The following STARD13 variants were observed in gnomAD, a reference collection of about 807,000 sequenced individuals.
STARD13 encodes stAR-related lipid transfer protein 13.
In STARD13, 62 loss-of-function variants were observed where a neutral mutation model predicts 106.4. That is an observed-to-expected ratio of 0.58 (90% CI 0.48 to 0.72). The LOEUF (loss-of-function observed/expected upper bound fraction) is 0.72, where lower values mean the gene tolerates loss of function less well. Among genes scored for constraint, STARD13 ranks in the 30% least tolerant of loss-of-function variants. The pLI, the probability that STARD13 is intolerant of heterozygous loss-of-function variation, is 0.00. For synonymous variants in STARD13, 565 were observed against 553.0 expected (o/e 1.02, Z -0.31); for missense variants, 1,387 against 1,424.0 (o/e 0.97, Z 0.42).
At chr13:33,318,022 A>G (rs991534746) in intron 1 of STARD13, among the ~76,000 whole-genome samples, 25 of 152,216 alleles carry the variant, frequency 1.6e-4, no homozygotes, top group Non-Finnish European at 7.3e-5. Flanking sequence ...GTCAGACTCA[A>G]AAGTCTTTCA....
intron 1 of STARD13, among the ~76,000 whole-genome samples, chr13:33,225,771 T>C (rs1301076393): frequency 2.6e-5 from 4 of 152,068 alleles, no homozygotes; most frequent in African/African-American, 9.7e-5. Flanking sequence ...AAACAACTCT[T>C]CGTATTAATA....
Position 33,130,240 on chromosome 13 carries a change from A to G in STARD13, c.437T>C (p.Phe146Ser), listed in dbSNP as rs1878086491. Residue 146 changes from phenylalanine (F) to serine (S), a missense_variant, in exon 5 of 14, where the codon TTC becomes TCC. Phe to Ser is a radical substitution (Grantham distance 155). Coordinates refer to ENST00000336934, the MANE Select transcript of STARD13 (RefSeq NM_178006.4). The surrounding 1 kb of genome is among the most constrained non-coding windows in gnomAD (Gnocchi z 4.1). ...AGACCACCTGCGACTGGTTCTTTGGAAAGTCCATTTGTTGCTGATACAAAG... is the reference window on the plus strand; with the variant it reads ...AGACCACCTGCGACTGGTTCTTTGGGAAGTCCATTTGTTGCTGATACAAAG... ...EDLCISNKWT[F>S]QRTSRRWSRV... The G allele has an allele frequency of 3.7e-6, 6 of 1,607,512 alleles. No homozygotes were observed. The highest frequency in any genetic ancestry group is 1.7e-5 in the Admixed American group (1 of 59,972).
the STARD13 span, among the ~76,000 whole-genome samples, chr13:33,489,107 T>C: frequency 6.6e-6 from 1 of 152,206 alleles, no homozygotes. Flanking sequence ...TAAATATCTT[T>C]CTAAGGTATT....
chr13:33,496,871 G>A, the STARD13 span, among the ~76,000 whole-genome samples: 2 of 151,884 alleles, frequency 1.3e-5, no homozygotes, highest in South Asian at 2.1e-4. Flanking sequence ...TCTTTATATA[G>A]TTTCGTTTCT....
chr13:33,650,164 A>ATGTTTGTTTTTTTTTTTTT, the STARD13 span, among the ~76,000 whole-genome samples: 1 of 48,358 alleles, frequency 2.1e-5, no homozygotes, highest in Non-Finnish European at 3.7e-5. Flanking sequence ...CGTGACTCCA[A>ATGTTTGTTTTTTTTTTTTT]TTTTTTTTTT....
At chr13:33,481,267 T>C in the STARD13 span, among the ~76,000 whole-genome samples, 2 of 152,152 alleles carry the variant, frequency 1.3e-5, no homozygotes, top group Admixed American at 1.3e-4. Context: ...TCAAATATAC[T>C]GCACTAATTC....
the STARD13 span, among the ~76,000 whole-genome samples, chr13:33,455,346 C>G: frequency 6.6e-6 from 1 of 152,248 alleles, no homozygotes; most frequent in South Asian, 2.1e-4. Flanking sequence ...GCAGGGAGTC[C>G]CCTTATGTAT....
At chr13:33,602,246 C>G in the STARD13 span, among the ~76,000 whole-genome samples, 2 of 152,098 alleles carry the variant, frequency 1.3e-5, no homozygotes, top group Non-Finnish European at 2.9e-5. Context: ...CACGTGCAAC[C>G]ACGCCCAGCT....
the STARD13 span, among the ~76,000 whole-genome samples, chr13:33,648,797 T>C: frequency 1.5e-4 from 21 of 144,298 alleles, no homozygotes; most frequent in Middle Eastern, 3.5e-3. Flanking sequence ...TTTTTTTTTT[T>C]TTTTTTTTTT....
the STARD13 span, among the ~76,000 whole-genome samples, chr13:33,477,084 C>T: frequency 2.0e-5 from 3 of 152,160 alleles, no homozygotes; most frequent in Non-Finnish European, 4.4e-5. Context: ...GCACACAATG[C>T]CCAAACAGCT....
At chr13:33,355,093 T>G (rs1387246413), upstream of STARD13, 1 of 152,198 alleles carries the variant, frequency 6.6e-6, no homozygotes, top group Non-Finnish European at 1.5e-5. Context: ...TCTCCAAATT[T>G]CTAAAATTAC....
At chr13:33,621,505 G>A in the STARD13 span, among the ~76,000 whole-genome samples, 3 of 151,768 alleles carry the variant, frequency 2.0e-5, no homozygotes, top group African/African-American at 7.2e-5. Flanking sequence ...GTGAAACCCT[G>A]TCTCTACTAA....
intron 1 of STARD13, among the ~76,000 whole-genome samples, chr13:33,183,146 T>C (rs533473021): frequency 6.6e-6 from 1 of 152,338 alleles, no homozygotes; most frequent in African/African-American, 2.4e-5. Flanking sequence ...ACATTCATTA[T>C]GGTCCTTAGA....
chr13:33,647,670 G>C, the STARD13 span, among the ~76,000 whole-genome samples: 1 of 152,120 alleles, frequency 6.6e-6, no homozygotes, highest in Non-Finnish European at 1.5e-5. Context: ...TTGAATCCCT[G>C]TTCATAATGT....
At chr13:33,341,492 A>G (rs1380615899) in intron 1 of STARD13, among the ~76,000 whole-genome samples, 1 of 151,406 alleles carries the variant, frequency 6.6e-6, no homozygotes, top group Non-Finnish European at 1.5e-5. Context: ...CAAAAAAATT[A>G]GCCGGGTGTG....
the STARD13 span, among the ~76,000 whole-genome samples, chr13:33,614,804 C>T: frequency 6.6e-6 from 1 of 152,076 alleles, no homozygotes; most frequent in Non-Finnish European, 1.5e-5. Flanking sequence ...GCTCAGTGTG[C>T]TAGAGGGTCA....
chr13:33,347,445 C>T (rs924353549), downstream of STARD13, among the ~76,000 whole-genome samples: 1 of 152,070 alleles, frequency 6.6e-6, no homozygotes, highest in Non-Finnish European at 1.5e-5. Flanking sequence ...TGGGGTTTCA[C>T]TATGTTGGCC....
the STARD13 span, among the ~76,000 whole-genome samples, chr13:33,482,406 C>T: frequency 1.3e-5 from 2 of 152,120 alleles, no homozygotes; most frequent in African/African-American, 4.8e-5. Flanking sequence ...AATCCATTCC[C>T]GTTGCCCATC....
At chr13:33,429,431 C>T in the STARD13 span, among the ~76,000 whole-genome samples, 41,759 of 151,644 alleles carry the variant, frequency 0.28, 6,248 homozygotes, top group Non-Finnish European at 0.35. Context: ...CCCGGTTCTA[C>T]TAAAAATACA....
Sources: gnomAD v4.1 joint callset for allele counts (sites outside exome capture counted in the v4.1 genomes callset) on GRCh38, gnomAD v4.1.1 for gene constraint, Gnocchi (gnomAD v3.1) non-coding constraint, MANE v1.5 for transcripts, NCBI Gene and HGNC (gene_info 2026-07-23, HGNC 2026-07-21) for gene names.